Variants in CCDC126 observed in about 807,000 individuals in gnomAD.
CCDC126 encodes coiled-coil domain containing 126.
In CCDC126, 5 loss-of-function variants were observed where a neutral mutation model predicts 11.7. The ratio of observed to expected loss-of-function variants is 0.43; its 90% confidence interval spans 0.22 to 0.90. The LOEUF (loss-of-function observed/expected upper bound fraction) is 0.90, where lower values mean the gene tolerates loss of function less well. Among genes scored for constraint, CCDC126 ranks in the 40% least tolerant of loss-of-function variants. The pLI, the probability that CCDC126 is intolerant of heterozygous loss-of-function variation, is 0.27. For missense variants in CCDC126, 150 were observed against 163.1 expected (o/e 0.92, Z 0.44); for synonymous variants, 60 against 61.9 (o/e 0.97, Z 0.14).
At chr7:23,630,544 C>T (rs1012524730) in intron 3 of CCDC126, among the ~76,000 whole-genome samples, 1 of 151,316 alleles carries the variant, frequency 6.6e-6, no homozygotes, top group African/African-American at 2.4e-5. Flanking sequence ...TGGTGGCTCA[C>T]ACCTGTAACC....
At chr7:23,609,914 A>G (rs763563680) in intron 2 of CCDC126, among the ~76,000 whole-genome samples, 2 of 152,224 alleles carry the variant, frequency 1.3e-5, no homozygotes, top group South Asian at 2.1e-4. Flanking sequence ...GATTATTTTC[A>G]GTAAGCTGTG....
chr7:23,598,432 C>T (rs1782467697), intron 2 of CCDC126: 1 of 152,160 alleles, frequency 6.6e-6, no homozygotes, highest in Admixed American at 6.5e-5. Flanking sequence ...TAAAATATGC[C>T]GTCTTCCTAA....
At chr7:23,638,863 CAAAAAAAAAAAAAA>C (rs61374394) in intron 3 of CCDC126, among the ~76,000 whole-genome samples, 1 of 108,576 alleles carries the variant, frequency 9.2e-6, no homozygotes, top group Non-Finnish European at 1.8e-5. Flanking sequence ...AATAAATTAA[CAAAAAAAAAAAAAA>C]AAAAAAAAGA....
rs573263653 is a variant in CCDC126 at position 23,604,993 on chromosome 7, G to A, written c.-145-6178G>A. On this transcript the variant is annotated intron_variant, in intron 2 of 3. Coordinates refer to ENST00000307471, the MANE Select transcript of CCDC126 (RefSeq NM_138771.4). The stretch of plus-strand genomic sequence containing the variant: ...AGCCTGGGCGACAGAGCAAGACTTC[G>A]TCTCAAAAAAAAAAAAAAAAAGAAA... 6.7e-5 allele frequency among the ~76,000 whole-genome samples: 9 copies of A among 133,634 alleles called. No homozygotes were observed. In the South Asian group the frequency reaches 1.8e-3, roughly 27 times the overall value. The allele number at this position is 133,634 out of a possible 152,430, so 87.7% of individuals were successfully genotyped here.
intron 3 of CCDC126, among the ~76,000 whole-genome samples, chr7:23,631,780 ATTTATAATTTAAAAGTC>A (rs1200023018): frequency 6.6e-6 from 1 of 151,890 alleles, no homozygotes; most frequent in African/African-American, 2.4e-5. Context: ...AAGAAATTTA[ATTTATAATTTAAAAGTC>A]CCCCCCCACC....
At chr7:23,640,446 G>A (rs1026402675) in intron 3 of CCDC126, among the ~76,000 whole-genome samples, 4 of 152,014 alleles carry the variant, frequency 2.6e-5, no homozygotes, top group African/African-American at 9.7e-5. Context: ...GCGATGAGCC[G>A]AGATCGCGCC....
intron 3 of CCDC126, among the ~76,000 whole-genome samples, chr7:23,635,911 C>G (rs1783200362): frequency 6.6e-6 from 1 of 152,190 alleles, no homozygotes; most frequent in Non-Finnish European, 1.5e-5. Flanking sequence ...GGTCTCCTTC[C>G]ACGGTCTCCC....
intron 2 of CCDC126, among the ~76,000 whole-genome samples, chr7:23,599,422 C>T (rs998837324): frequency 6.6e-6 from 1 of 151,884 alleles, no homozygotes; most frequent in African/African-American, 2.4e-5. Flanking sequence ...TGATTGGCCA[C>T]GGCTGTGACA....
chr7:23,625,577 A>G (rs1483757939), intron 3 of CCDC126, among the ~76,000 whole-genome samples: 2 of 151,018 alleles, frequency 1.3e-5, no homozygotes, highest in African/African-American at 2.4e-5. Flanking sequence ...TTTCTTGTAC[A>G]TATGAGAATG....
chr7:23,601,656 T>C (rs957022863), intron 2 of CCDC126, among the ~76,000 whole-genome samples: 1 of 152,176 alleles, frequency 6.6e-6, no homozygotes, highest in African/African-American at 2.4e-5. Context: ...TTTCCTTATC[T>C]TTATAATGAA....
chr7:23,609,548 G>A (rs185823561), intron 2 of CCDC126, among the ~76,000 whole-genome samples: 102 of 152,234 alleles, frequency 6.7e-4, no homozygotes, highest in Non-Finnish European at 1.2e-3. Flanking sequence ...TTTTGGGAAA[G>A]GTAAACTAAA....
At chr7:23,623,804 T>A (rs1473072863) in intron 3 of CCDC126, among the ~76,000 whole-genome samples, 2 of 152,208 alleles carry the variant, frequency 1.3e-5, no homozygotes, top group African/African-American at 4.8e-5. Flanking sequence ...TATTCCATAT[T>A]GTATCCACAA....
intron 3 of CCDC126, among the ~76,000 whole-genome samples, chr7:23,640,379 C>A (rs1783333175): frequency 6.6e-6 from 1 of 151,744 alleles, no homozygotes; most frequent in South Asian, 2.1e-4. Flanking sequence ...TGCCTGTAAT[C>A]CCAGCTACTC....
intron 3 of CCDC126, among the ~76,000 whole-genome samples, chr7:23,617,401 G>A (rs1356781551): frequency 7.7e-6 from 1 of 129,584 alleles, no homozygotes; most frequent in Non-Finnish European, 1.6e-5. Context: ...GCTGTCTTTT[G>A]TTACATCTCT....
intron 3 of CCDC126, among the ~76,000 whole-genome samples, chr7:23,624,963 C>T (rs1782987808): frequency 6.6e-6 from 1 of 152,182 alleles, no homozygotes; most frequent in Non-Finnish European, 1.5e-5. Context: ...CCACCTTAGC[C>T]ACCCAAGTAG....
chr7:23,633,294 G>A (rs2128021019), intron 3 of CCDC126, among the ~76,000 whole-genome samples: 1 of 152,210 alleles, frequency 6.6e-6, no homozygotes, highest in African/African-American at 2.4e-5. Flanking sequence ...GCCCGGCCCT[G>A]CCTTGCAATC....
intron 3 of CCDC126, among the ~76,000 whole-genome samples, chr7:23,631,470 C>T (rs1306277436): frequency 6.6e-6 from 1 of 152,096 alleles, no homozygotes; most frequent in Non-Finnish European, 1.5e-5. Flanking sequence ...AGCCCTATTA[C>T]TGTTAAGGAA....
chr7:23,600,746 A>G (rs1782525989), intron 2 of CCDC126, among the ~76,000 whole-genome samples: 1 of 152,170 alleles, frequency 6.6e-6, no homozygotes, highest in Non-Finnish European at 1.5e-5. Context: ...TGAGATTTGA[A>G]TGAGAGATTT....
intron 2 of CCDC126, chr7:23,601,952 C>G (rs919580016): frequency 5.9e-5 from 9 of 152,144 alleles, no homozygotes; most frequent in African/African-American, 1.9e-4. Flanking sequence ...TTGTAAAGTG[C>G]TGGGATTACA....
Sources: gnomAD v4.1 joint callset for allele counts (sites outside exome capture counted in the v4.1 genomes callset) on GRCh38, gnomAD v4.1.1 for gene constraint, MANE v1.5 for transcripts, NCBI Gene and HGNC (gene_info 2026-07-23, HGNC 2026-07-21) for gene names.